KCNN2: variants seen among roughly 807,000 people sequenced by gnomAD.
KCNN2 encodes small conductance calcium-activated potassium channel protein 2.
In KCNN2, 24 loss-of-function variants were observed where a neutral mutation model predicts 55.5. The observed-to-expected ratio is 0.43, with a 90% confidence interval of 0.31 to 0.61. The LOEUF is 0.61. Ranked by LOEUF, KCNN2 falls within the 20% of genes least tolerant of loss-of-function variation. KCNN2 has a pLI of 0.08. For synonymous variants in KCNN2, 431 were observed against 336.1 expected, an observed-to-expected ratio of 1.28 and a Z score of -3.09; for missense variants, 754 against 853.6, an observed-to-expected ratio of 0.88 and a Z score of 1.45.
At chr5:114,440,731 T>A (rs1760174737) in intron 3 of KCNN2, among the ~76,000 whole-genome samples, 1 of 152,074 alleles carries the variant, frequency 6.6e-6, no homozygotes, top group Non-Finnish European at 1.5e-5. Context: ...GTATGTCTTG[T>A]TAAAAGTTAT....
At chr5:114,468,325 G>GTCAGTCA (rs1356265386) in intron 4 of KCNN2, among the ~76,000 whole-genome samples, 1 of 152,044 alleles carries the variant, frequency 6.6e-6, no homozygotes. Flanking sequence ...AATTATTTAT[G>GTCAGTCA]TCAGTCAAGT....
At chr5:114,203,297 T>C (rs1753710840) in intron 1 of KCNN2, among the ~76,000 whole-genome samples, 1 of 152,224 alleles carries the variant, frequency 6.6e-6, no homozygotes, top group Non-Finnish European at 1.5e-5. Context: ...TCCACTGTGA[T>C]AGGACAAGTC....
At chr5:114,489,748 A>C (rs912033653) in intron 6 of KCNN2, among the ~76,000 whole-genome samples, 2 of 152,176 alleles carry the variant, frequency 1.3e-5, no homozygotes, top group African/African-American at 4.8e-5. Flanking sequence ...TCATAGGGGA[A>C]GCACACAGGG....
chr5:114,388,125 CAACAT>C (rs936650914), intron 2 of KCNN2, among the ~76,000 whole-genome samples: 9 of 152,110 alleles, frequency 5.9e-5, no homozygotes, highest in Admixed American at 5.2e-4. Flanking sequence ...TTTTTGTACT[CAACAT>C]AATGTTTTGG....
intron 2 of KCNN2, among the ~76,000 whole-genome samples, chr5:114,267,741 T>C (rs1755238415): frequency 2.0e-5 from 3 of 152,020 alleles, no homozygotes; most frequent in Admixed American, 1.3e-4. Context: ...GATTAAAGGG[T>C]TTTTCCCTGG....
At chr5:114,172,775 T>G (rs1164595316) in intron 1 of KCNN2, among the ~76,000 whole-genome samples, 3 of 151,770 alleles carry the variant, frequency 2.0e-5, no homozygotes, top group African/African-American at 7.2e-5. Flanking sequence ...GCCTGTTTTT[T>G]AATCAAATAT....
Position 114,362,503 on chromosome 5 carries a change from G to T in KCNN2, c.364G>T (p.Gly122Cys). Residue 122 changes from glycine to cysteine, a missense_variant, in exon 1 of 8, where the codon GGC (glycine) becomes TGC (cysteine). By Grantham distance (159) the Gly-to-Cys change is radical. This residue lies in a region of KCNN2 where 381 missense variants were observed against 259.1 expected (regional missense o/e 1.47). Transcript: ENST00000673685. The stretch of plus-strand genomic sequence containing the variant: ...CTGCTGCTGCTGCTCGTCGCGCCGG[G>T]GCAGCCAGCTCAATGTGAGCGAGCT... ...CCCCCCSSRRGSQLNVSELTP... is the reference protein window; with the variant it reads ...CCCCCCSSRRCSQLNVSELTP... 1 of 475,812 alleles carries T rather than the reference G, an allele frequency of 2.1e-6. No individual in the cohort carries two copies. Among genetic ancestry groups the T allele is most frequent in the Non-Finnish European group, 3.6e-6 (1 of 274,228 alleles). 29.5% of individuals were successfully genotyped at this position (475,812 alleles called of 1,614,324 possible). A position where few individuals can be genotyped will look rare whatever the true frequency, so the allele number is the denominator to read the frequency against.
At chr5:114,243,625 A>G (rs1216459917) in intron 2 of KCNN2, among the ~76,000 whole-genome samples, 6 of 152,132 alleles carry the variant, frequency 3.9e-5, no homozygotes, top group Non-Finnish European at 7.4e-5. Flanking sequence ...TTGCTGGCAT[A>G]TTGTTATCAT....
intron 2 of KCNN2, among the ~76,000 whole-genome samples, chr5:114,399,006 C>A (rs1276347005): frequency 1.3e-5 from 2 of 152,254 alleles, no homozygotes; most frequent in South Asian, 4.1e-4. Flanking sequence ...AGTTTGAATT[C>A]CTCTCTTCCT....
intron 1 of KCNN2, among the ~76,000 whole-genome samples, chr5:114,153,837 G>A (rs1216841211): frequency 6.6e-6 from 1 of 152,186 alleles, no homozygotes; most frequent in Non-Finnish European, 1.5e-5. Flanking sequence ...AGATCCACGG[G>A]AGTGAGGAGA....
intron 6 of KCNN2, among the ~76,000 whole-genome samples, chr5:114,489,943 C>A (rs1207763249): frequency 6.6e-6 from 1 of 152,184 alleles, no homozygotes; most frequent in Non-Finnish European, 1.5e-5. Flanking sequence ...TTCAGCAGCT[C>A]TCTGCTTCTA....
chr5:114,214,747 G>A (rs937661284), intron 1 of KCNN2, among the ~76,000 whole-genome samples: 2 of 152,050 alleles, frequency 1.3e-5, no homozygotes, highest in Admixed American at 1.3e-4. Flanking sequence ...TTATAATTTG[G>A]CCAAGATGAA....
Position 114,363,097 on chromosome 5 carries a change from A to G in KCNN2, c.958A>G (p.Lys320Glu). 1 of 1,612,636 alleles carries G rather than the reference A, an allele frequency of 6.2e-7. No homozygotes were observed. Among genetic ancestry groups the G allele is most frequent in the Non-Finnish European group, 8.5e-7 (1 of 1,179,906 alleles). ...GSGHGSSSGTKSSKKKNQNIG... is the reference protein window; with the variant it reads ...GSGHGSSSGTESSKKKNQNIG... ...CGGGCACGGCAGCAGCAGTGGCACC[A>G]AGTCCAGCAAAAAGAAAAACCAGAA... Residue 320 changes from lysine (K) to glutamate (E), a missense_variant, in exon 1 of 8, where the codon AAG becomes GAG. Physicochemically the swap from Lys to Glu is moderately conservative, Grantham distance 56. Around this residue, in one of 4 missense-constraint regions of KCNN2, gnomAD observed 381 missense variants for 259.1 expected, o/e 1.47. Coordinates refer to ENST00000673685, the MANE Select transcript of KCNN2 (RefSeq NM_021614.4).
At chr5:114,215,744 A>G (rs148821733) in intron 1 of KCNN2, among the ~76,000 whole-genome samples, 2 of 152,266 alleles carry the variant, frequency 1.3e-5, no homozygotes, top group African/African-American at 4.8e-5. Context: ...CTAAATGAAC[A>G]TCACCTGTAG....
intron 2 of KCNN2, among the ~76,000 whole-genome samples, chr5:114,292,268 T>C (rs1755906742): frequency 1.3e-5 from 2 of 152,232 alleles, no homozygotes; most frequent in Admixed American, 1.3e-4. Flanking sequence ...TCCTTGTCCA[T>C]GCCTATGGCC....
intron 1 of KCNN2, among the ~76,000 whole-genome samples, chr5:114,157,597 G>T (rs532786081): frequency 6.6e-6 from 1 of 152,148 alleles, no homozygotes; most frequent in Non-Finnish European, 1.5e-5. Context: ...TTCCACAATG[G>T]TTGAACTAGT....
intron 1 of KCNN2, among the ~76,000 whole-genome samples, chr5:114,152,434 G>T (rs185079741): frequency 3.3e-5 from 5 of 152,218 alleles, no homozygotes; most frequent in African/African-American, 1.2e-4. Context: ...GTTATGTTTA[G>T]TCAAGTTATT....
chr5:114,446,038 G>C (rs2150098782), intron 3 of KCNN2, among the ~76,000 whole-genome samples: 1 of 152,286 alleles, frequency 6.6e-6, no homozygotes, highest in East Asian at 1.9e-4. Context: ...AGAATTTCTG[G>C]ATAGACGTTA....
At chr5:114,389,084 G>A (rs1164874417) in intron 2 of KCNN2, among the ~76,000 whole-genome samples, 1 of 151,690 alleles carries the variant, frequency 6.6e-6, no homozygotes, top group Non-Finnish European at 1.5e-5. Context: ...CTGCTTTTTA[G>A]TGGTGTGTGT....
Sources: allele counts gnomAD v4.1 joint callset (sites outside exome capture counted in the v4.1 genomes callset), GRCh38; gene constraint gnomAD v4.1.1; regional missense constraint gnomAD v4.1.1; transcripts MANE v1.5; gene names NCBI Gene and HGNC (gene_info 2026-07-23, HGNC 2026-07-21).